MLLT3: variants seen among roughly 807,000 people sequenced by gnomAD.
MLLT3 encodes protein AF-9.
In MLLT3, 4 loss-of-function variants were observed where a neutral mutation model predicts 53.2. That is an observed-to-expected ratio of 0.08 (90% CI 0.04 to 0.17). MLLT3 has a LOEUF of 0.17. Among genes scored for constraint, MLLT3 ranks in the 10% least tolerant of loss-of-function variants. The probability of loss-of-function intolerance (pLI) is 1.00; values close to 1 mark genes in which losing one functional copy is unlikely to be tolerated. For synonymous variants in MLLT3, 283 were observed against 230.6 expected (o/e 1.23, Z -2.06); for missense variants, 569 against 684.0 (o/e 0.83, Z 1.87).
intron 10 of MLLT3, among the ~76,000 whole-genome samples, chr9:20,353,055 C>G (rs908079911): frequency 6.6e-6 from 1 of 152,050 alleles, no homozygotes; most frequent in South Asian, 2.1e-4. Context: ...GAATGTATGT[C>G]ATACAAGATA....
At chr9:20,444,886 A>G (rs924806951) in intron 4 of MLLT3, among the ~76,000 whole-genome samples, 2 of 151,868 alleles carry the variant, frequency 1.3e-5, no homozygotes, top group African/African-American at 2.4e-5. Context: ...AATAAAAATA[A>G]AAATCTACCA....
intron 5 of MLLT3, among the ~76,000 whole-genome samples, chr9:20,386,313 C>T (rs564975569): frequency 6.6e-6 from 1 of 152,268 alleles, no homozygotes; most frequent in South Asian, 2.1e-4. Flanking sequence ...CAAGGCACAG[C>T]ATGTTGAAGA....
At chr9:20,539,494 G>A (rs1182893804) in intron 2 of MLLT3, among the ~76,000 whole-genome samples, 2 of 152,118 alleles carry the variant, frequency 1.3e-5, no homozygotes, top group African/African-American at 4.8e-5. Flanking sequence ...AAGGCAAAGG[G>A]GAAGCAAGGC....
At chr9:20,573,112 C>T (rs979251585) in intron 2 of MLLT3, among the ~76,000 whole-genome samples, 12 of 124,076 alleles carry the variant, frequency 9.7e-5, no homozygotes, top group Non-Finnish European at 1.2e-4. Flanking sequence ...AAAACTATCA[C>T]AACAGGAGAA....
intron 2 of MLLT3, among the ~76,000 whole-genome samples, chr9:20,538,887 T>G (rs898471134): frequency 1.3e-5 from 2 of 152,252 alleles, no homozygotes. Flanking sequence ...AAATAAAAGT[T>G]ATGTTTATAC....
intron 2 of MLLT3, among the ~76,000 whole-genome samples, chr9:20,579,975 G>T (rs1435013321): frequency 6.6e-6 from 1 of 152,184 alleles, no homozygotes; most frequent in Non-Finnish European, 1.5e-5. Flanking sequence ...CCAGACTCGT[G>T]TGAGGTAAAT....
At chr9:20,418,185 G>A (rs576379744) in intron 4 of MLLT3, 20 of 152,322 alleles carry the variant, frequency 1.3e-4, no homozygotes, top group African/African-American at 4.6e-4. Flanking sequence ...TGTGGTCCAA[G>A]AGGTTATGCA....
intron 2 of MLLT3, among the ~76,000 whole-genome samples, chr9:20,476,904 C>T (rs1264241770): frequency 1.3e-5 from 2 of 152,160 alleles, no homozygotes; most frequent in African/African-American, 4.8e-5. Context: ...GTTAAGGAAT[C>T]TATCCTTTAA....
At chr9:20,571,449 T>A (rs1006667013) in intron 2 of MLLT3, among the ~76,000 whole-genome samples, 1 of 152,246 alleles carries the variant, frequency 6.6e-6, no homozygotes, top group African/African-American at 2.4e-5. Flanking sequence ...TTTATGTATT[T>A]TTTTACTATA....
chr9:20,369,577 T>C (rs16938035), intron 5 of MLLT3, among the ~76,000 whole-genome samples: 2,357 of 152,280 alleles, frequency 0.015, 35 homozygotes, highest in African/African-American at 0.049. Context: ...ACCTGTTAAC[T>C]GCTCAAAGAG....
chr9:20,449,225 T>C (rs1471284836), intron 3 of MLLT3, among the ~76,000 whole-genome samples: 1 of 152,202 alleles, frequency 6.6e-6, no homozygotes, highest in African/African-American at 2.4e-5. Context: ...CTGTTGAAAG[T>C]AGGATCAATG....
At chr9:20,521,467 T>G (rs573409111) in intron 2 of MLLT3, among the ~76,000 whole-genome samples, 1 of 152,038 alleles carries the variant, frequency 6.6e-6, no homozygotes, top group Non-Finnish European at 1.5e-5. Flanking sequence ...TATGTGTGTG[T>G]GTGTGTGTGT....
At chr9:20,606,546 T>C (rs1820576418) in intron 2 of MLLT3, among the ~76,000 whole-genome samples, 2 of 152,146 alleles carry the variant, frequency 1.3e-5, no homozygotes, top group Non-Finnish European at 2.9e-5. Context: ...GCTTGTGCTC[T>C]GTTATAAACA....
At position 20,414,292 on chromosome 9, in the gene MLLT3, C is replaced by T. The variant is rs1563956607; in HGVS notation, c.554G>A (p.Ser185Asn). 2 of 1,611,104 alleles carry T rather than the reference C, an allele frequency of 1.2e-6. No homozygotes were observed. Among genetic ancestry groups the T allele is most frequent in the South Asian group, 1.1e-5 (1 of 90,868 alleles). Residue 185 changes from serine to asparagine, a missense_variant, in exon 5 of 11, where the codon AGC becomes AAC. Ser to Asn is a conservative substitution (Grantham distance 46). Transcript: ENST00000380338. ...SSSSSSSSSS[S>N]SSSSSTSFSK... ...AAAACTGGTACTACTGCTGCTGCTGCTGCTGCTACTGCTGCTGCTACTGCT... is the reference window on the plus strand; with the variant it reads ...AAAACTGGTACTACTGCTGCTGCTGTTGCTGCTACTGCTGCTGCTACTGCT...
rs573359663 is a variant in MLLT3, at chr9:20,565,409, G to A, written c.193+55245C>T. ...ACTGCGAATAACTTACCAACTCACT[G>A]CCCAAAAAGGAAAACTTCTAGAGTA... On this transcript the variant is annotated intron_variant, in intron 2 of 10. Transcript: ENST00000380338. Among the ~76,000 whole-genome samples, 233 of 152,178 alleles carry A rather than the reference G, an allele frequency of 1.5e-3. 1 individual carries two copies. Among genetic ancestry groups the A allele is most frequent in the African/African-American group, 5.5e-3 (227 of 41,516 alleles).
At chr9:20,571,211 T>C (rs1366766266) in intron 2 of MLLT3, among the ~76,000 whole-genome samples, 1 of 152,192 alleles carries the variant, frequency 6.6e-6, no homozygotes, top group African/African-American at 2.4e-5. Context: ...CTTTTAACTT[T>C]CCAACAAAAA....
At chr9:20,467,840 ATTATCATGTATGCTGC>A (rs1374839159) in intron 2 of MLLT3, among the ~76,000 whole-genome samples, 5 of 152,224 alleles carry the variant, frequency 3.3e-5, no homozygotes, top group African/African-American at 2.4e-5. Flanking sequence ...AAAAGTAGGA[ATTATCATGTATGCTGC>A]TGAAGCTTAC....
At chr9:20,498,603 CTT>C (rs1392104740) in intron 2 of MLLT3, among the ~76,000 whole-genome samples, 3 of 152,140 alleles carry the variant, frequency 2.0e-5, no homozygotes, top group Admixed American at 2.0e-4. Context: ...AATTTGTAAA[CTT>C]TCTTAAAACA....
intron 2 of MLLT3, among the ~76,000 whole-genome samples, chr9:20,569,017 A>G (rs1819456117): frequency 6.6e-6 from 1 of 152,166 alleles, no homozygotes; most frequent in Admixed American, 6.6e-5. Flanking sequence ...TACTTCAAAA[A>G]ATTCCCAAAG....
Sources: gnomAD v4.1 joint callset for allele counts (sites outside exome capture counted in the v4.1 genomes callset) on GRCh38, gnomAD v4.1.1 for gene constraint, MANE v1.5 for transcripts, NCBI Gene and HGNC (gene_info 2026-07-23, HGNC 2026-07-21) for gene names.